SLC4A10: variants seen among roughly 807,000 people sequenced by gnomAD.
The protein encoded by SLC4A10 is sodium-driven chloride bicarbonate exchanger.
A neutral mutation model predicts 137.7 loss-of-function variants in SLC4A10; 42 were observed. The ratio of observed to expected loss-of-function variants is 0.30; its 90% CI spans 0.24 to 0.39. The LOEUF (loss-of-function observed/expected upper bound fraction) is 0.39. Among genes scored for constraint, SLC4A10 ranks in the 10% least tolerant of loss-of-function variants. The pLI, the probability that SLC4A10 is intolerant of heterozygous loss-of-function variation, is 1.00. For synonymous variants in SLC4A10, 474 were observed against 464.1 expected (o/e 1.02, Z -0.27); for missense variants, 925 against 1,355.0 (o/e 0.68, Z 4.98).
chr2:161,767,139 A>ATATATATGTGTG (rs1362865580), intron 1 of SLC4A10, among the ~76,000 whole-genome samples: 2 of 57,128 alleles, frequency 3.5e-5, no homozygotes, highest in East Asian at 8.3e-4. Flanking sequence ...ATATATATAT[A>ATATATATGTGTG]TGTGTGTGTG....
rs373254595 is a variant in SLC4A10 at position 161,977,753 on chromosome 2, C to A, written c.*19C>A. 4.4e-6 allele frequency: 7 copies of A among 1,594,594 alleles called. No individual in the cohort carries two copies. In the African/African-American group the frequency reaches 8.1e-5, roughly 19 times the overall value. ...TTCCTAATCACTCTAGAAGCTGATT[C>A]CCCAAAGGTAAGACCCTCTCCCTCA... On this transcript the variant is annotated 3_prime_UTR_variant, in exon 26 of 27. Transcript: ENST00000446997.
intron 1 of SLC4A10, among the ~76,000 whole-genome samples, chr2:161,640,537 C>T (rs747881758): frequency 7.2e-5 from 11 of 151,962 alleles, no homozygotes; most frequent in Non-Finnish European, 1.5e-4. Flanking sequence ...CTTTTGTATT[C>T]CATTTACAAC....
chr2:161,909,755 T>C (rs2105386007), intron 15 of SLC4A10, among the ~76,000 whole-genome samples: 1 of 152,358 alleles, frequency 6.6e-6, no homozygotes, highest in South Asian at 2.1e-4. Flanking sequence ...TTTAGTTATG[T>C]TCATTAATGA....
chr2:161,799,779 C>A (rs1009219539), intron 2 of SLC4A10, among the ~76,000 whole-genome samples: 2 of 151,696 alleles, frequency 1.3e-5, no homozygotes, highest in Non-Finnish European at 2.9e-5. Flanking sequence ...GTTTTTGGAT[C>A]AAGACAGAGA....
At chr2:161,813,136 C>T (rs1452018720) in intron 3 of SLC4A10, among the ~76,000 whole-genome samples, 1 of 151,942 alleles carries the variant, frequency 6.6e-6, no homozygotes, top group East Asian at 1.9e-4. Context: ...CAGAGCTATG[C>T]TTTTCCTTTG....
intron 15 of SLC4A10, among the ~76,000 whole-genome samples, chr2:161,940,504 G>T (rs976044266): frequency 6.6e-6 from 1 of 152,144 alleles, no homozygotes; most frequent in Non-Finnish European, 1.5e-5. Context: ...TACAGCAGAG[G>T]AGTCACTTAC....
chr2:161,929,066 A>G (rs1426593584), intron 15 of SLC4A10, among the ~76,000 whole-genome samples: 2 of 152,192 alleles, frequency 1.3e-5, no homozygotes. Context: ...TTTCTGTTAA[A>G]CTATAGTACT....
intron 1 of SLC4A10, among the ~76,000 whole-genome samples, chr2:161,674,876 G>A (rs1259111463): frequency 6.6e-6 from 1 of 152,108 alleles, no homozygotes; most frequent in South Asian, 2.1e-4. Context: ...AAAGAACTAA[G>A]GGAACTGATT....
intron 1 of SLC4A10, among the ~76,000 whole-genome samples, chr2:161,665,664 T>C (rs1395007173): frequency 1.3e-5 from 2 of 151,612 alleles, no homozygotes; most frequent in Non-Finnish European, 3.0e-5. Context: ...TGGAAAGAAA[T>C]ATTTATTTTT....
chr2:161,818,260 T>G (rs1164084899), intron 3 of SLC4A10, among the ~76,000 whole-genome samples: 1 of 152,112 alleles, frequency 6.6e-6, no homozygotes, highest in Non-Finnish European at 1.5e-5. Context: ...TGGGAGTTCA[T>G]TCATGATTTG....
intron 5 of SLC4A10, among the ~76,000 whole-genome samples, chr2:161,860,927 A>C (rs2060400999): frequency 6.6e-6 from 1 of 152,216 alleles, no homozygotes; most frequent in African/African-American, 2.4e-5. Flanking sequence ...AATAAAAAAG[A>C]AGTTAATATG....
chr2:161,801,145 C>T (rs992780558), intron 2 of SLC4A10, among the ~76,000 whole-genome samples: 2 of 152,008 alleles, frequency 1.3e-5, no homozygotes, highest in African/African-American at 4.8e-5. Context: ...AACTTACTGT[C>T]TATTCTCTTG....
chr2:161,861,136 T>C (rs1280153929), intron 5 of SLC4A10, among the ~76,000 whole-genome samples: 1 of 152,180 alleles, frequency 6.6e-6, no homozygotes, highest in Admixed American at 6.5e-5. Flanking sequence ...AAAAAGAGCT[T>C]GTCTTTCTCT....
intron 1 of SLC4A10, among the ~76,000 whole-genome samples, chr2:161,736,263 G>A (rs928407432): frequency 2.6e-5 from 4 of 152,120 alleles, no homozygotes; most frequent in African/African-American, 9.7e-5. Flanking sequence ...TACCTTGAAA[G>A]CACAGAGCTG....
chr2:161,883,985 A>G (rs868564616), intron 10 of SLC4A10, among the ~76,000 whole-genome samples: 2 of 152,078 alleles, frequency 1.3e-5, no homozygotes, highest in South Asian at 4.1e-4. Context: ...GTTGATGTGT[A>G]TTTTGGGAGG....
At chr2:161,961,924 G>A (rs1025587654) in intron 21 of SLC4A10, among the ~76,000 whole-genome samples, 6 of 152,244 alleles carry the variant, frequency 3.9e-5, no homozygotes, top group East Asian at 1.9e-4. Context: ...AACAGTGTTC[G>A]TGAAAATTTA....
intron 2 of SLC4A10, among the ~76,000 whole-genome samples, chr2:161,800,563 G>A (rs2055271671): frequency 6.6e-6 from 1 of 151,992 alleles, no homozygotes; most frequent in African/African-American, 2.4e-5. Flanking sequence ...AGCCTAGGAT[G>A]AAAGATCACT....
rs2043071864 is a variant in SLC4A10 at position 161,701,043 on chromosome 2, A to G, written c.49-69930A>G. Among the ~76,000 whole-genome samples, 4 of 152,094 alleles carry G rather than the reference A, an allele frequency of 2.6e-5. No homozygotes were observed. The South Asian group carries it at 6.2e-4, about 24-fold the overall frequency. On this transcript the variant is annotated intron_variant, in intron 1 of 26. Transcript: ENST00000446997. ...GCAGTGCGCTACCTGCTTCACATGTAATAATCACATTTAATCCTTGCACAA... is the reference window on the plus strand; with the variant it reads ...GCAGTGCGCTACCTGCTTCACATGTGATAATCACATTTAATCCTTGCACAA...
At chr2:161,840,176 T>G (rs992279562) in intron 4 of SLC4A10, among the ~76,000 whole-genome samples, 5 of 152,188 alleles carry the variant, frequency 3.3e-5, no homozygotes, top group African/African-American at 9.6e-5. Flanking sequence ...ACATAATTTG[T>G]GTGTCATCAA....
Sources: allele counts gnomAD v4.1 joint callset (sites outside exome capture counted in the v4.1 genomes callset), GRCh38; gene constraint gnomAD v4.1.1; transcripts MANE v1.5; gene names NCBI Gene and HGNC (gene_info 2026-07-23, HGNC 2026-07-21).